SERPINA1: variants seen among roughly 807,000 people sequenced by gnomAD.
SERPINA1 encodes serpin family A member 1, also known as alpha-1-antitrypsin.
Under a neutral mutation model 25.4 loss-of-function variants are expected in SERPINA1, and 21 were observed. The observed-to-expected ratio is 0.83, with a 90% CI of 0.59 to 1.19. SERPINA1 has a LOEUF of 1.19. SERPINA1 is among the 50% of genes most tolerant of loss of function. SERPINA1 has a pLI of 0.00. For missense variants in SERPINA1, 546 were observed against 509.0 expected, an observed-to-expected ratio of 1.07 and a Z score of -0.70; for synonymous variants, 218 against 211.1, an observed-to-expected ratio of 1.03 and a Z score of -0.29.
chr14:94,379,759 G>A, intron 3 of SERPINA1, 148 bp from the exon 4 acceptor site: 2 of 1,087,600 alleles, frequency 1.8e-6, no homozygotes, highest in South Asian at 2.6e-5. Context: ...ACTCGGCTTT[G>A]GTTTGTTCTA....
intron 4 of SERPINA1, among the ~76,000 whole-genome samples, chr14:94,378,906 C>T (rs540110233): frequency 1.6e-4 from 23 of 147,884 alleles, no homozygotes; most frequent in East Asian, 1.4e-3. Flanking sequence ...CGTCACTCCA[C>T]GTCTGCCTCC....
In SERPINA1 at chr14:94,382,822, C is replaced by A. The variant is rs757562207; in HGVS notation, c.416G>T (p.Gly139Val). 1 of 1,614,116 alleles carries A rather than the reference C, an allele frequency of 6.2e-7. No homozygotes were observed. Among genetic ancestry groups the A allele is most frequent in the Non-Finnish European group, 8.5e-7 (1 of 1,180,054 alleles). The stretch of plus-strand genomic sequence containing the variant: ...GCCCTCGCTGAGGAACAGGCCATTG[C>A]CGGTGGTCAGCTGGAGCTGGCTGTC... The part of the protein sequence containing the change: ...QPDSQLQLTT[G>V]NGLFLSEGLK... Residue 139 changes from glycine to valine, a missense_variant, in exon 2 of 5, where the codon GGC (glycine) becomes GTC (valine). Transcript: ENST00000393087.
chr14:94,379,470 G>C lies in SERPINA1; in HGVS notation c.1059C>G (p.Leu353=). Residue 353 remains leucine, a synonymous_variant, in exon 4 of 5, where the codon CTC becomes CTG. Transcript: ENST00000393087. ...SGVTEEAPLK[L]SKAVHKAVLT... is the part of the protein sequence containing the mutation. ...GTCGTCAGGGTGATCTCACCTTGGA[G>C]AGCTTCAGGGGTGCCTCCTCTGTGA... 1 of 1,614,210 alleles carries C rather than the reference G, an allele frequency of 6.2e-7. No homozygotes were observed. Among genetic ancestry groups the C allele is most frequent in the Non-Finnish European group, 8.5e-7 (1 of 1,180,048 alleles).
chr14:94,383,616 T>G, intron 1 of SERPINA1: 1 of 293,312 alleles, frequency 3.4e-6, no homozygotes, highest in Non-Finnish European at 6.5e-6. Context: ...GCACCCAGGC[T>G]CTGGACAGCA....
At chr14:94,379,028 A>G (rs1896631062) in intron 4 of SERPINA1, 1 of 519,666 alleles carries the variant, frequency 1.9e-6, no homozygotes, top group Admixed American at 3.7e-5. Context: ...ATGGAACTGC[A>G]GTTGTTCATT....
At chr14:94,380,738 A>T in intron 3 of SERPINA1, 133 bp downstream of exon 3, 4 of 1,185,090 alleles carry the variant, frequency 3.4e-6, no homozygotes, top group Non-Finnish European at 5.0e-6. Context: ...AGCCAAGTTT[A>T]TACAGAGTAG....
chr14:94,382,941 T>A lies in SERPINA1; in HGVS notation c.297A>T (p.Glu99Asp), dbSNP rs1566757757. ...GGTTGAAATTCAGGCCCTCCAGGAT[T>A]TCATCGTGAGTGTCAGCCTTGGTCC... ...SLGTKADTHDEILEGLNFNLT... is the reference protein window; with the variant it reads ...SLGTKADTHDDILEGLNFNLT... The change falls in exon 2 of 5, where the codon GAA becomes GAT. Residue 99 changes from glutamate to aspartate, a missense_variant. Transcript: ENST00000393087. 6.2e-7 allele frequency: 1 copy of A among 1,610,556 alleles called. No homozygotes were observed. Among genetic ancestry groups the A allele is most frequent in the African/African-American group, 1.3e-5 (1 of 74,888 alleles).
chr14:94,378,444 G>C lies in SERPINA1; in HGVS notation c.*5C>G. 1 of 1,613,632 alleles carries C rather than the reference G, an allele frequency of 6.2e-7. No homozygotes were observed. Among genetic ancestry groups the C allele is most frequent in the Non-Finnish European group, 8.5e-7 (1 of 1,179,560 alleles). On this transcript the variant is annotated 3_prime_UTR_variant, in exon 5 of 5. Transcript: ENST00000393087. ...GGAGGGGAGGGGTTGAGGAGCGAGA[G>C]GCAGTTATTTTTGGGTGGGATTCAC...
intron 1 of SERPINA1, 184 bp from the exon 2 acceptor site, chr14:94,383,425 A>G (rs1897102374): frequency 6.3e-6 from 4 of 634,528 alleles, no homozygotes; most frequent in South Asian, 1.9e-5. Context: ...TGCTTACCAT[A>G]TGCCAAGCAC....
At chr14:94,383,991 T>C (rs1897137124) in intron 1 of SERPINA1, 1 of 152,226 alleles carries the variant, frequency 6.6e-6, no homozygotes, top group Admixed American at 6.5e-5. Flanking sequence ...TGCTCTGTGG[T>C]CCCAGACACA....
At chr14:94,380,511 C>G (rs1472212316) in intron 3 of SERPINA1, 1 of 345,354 alleles carries the variant, frequency 2.9e-6, no homozygotes, top group Non-Finnish European at 5.5e-6. Flanking sequence ...CCACTGCTGC[C>G]TTTGCCAGGA....
chr14:94,384,697 C>G (rs919852926), intron 1 of SERPINA1, among the ~76,000 whole-genome samples: 1 of 152,126 alleles, frequency 6.6e-6, no homozygotes, highest in Non-Finnish European at 1.5e-5. Context: ...TTGTTAACTA[C>G]TAGTCACAAA....
At chr14:94,383,453 T>C in intron 1 of SERPINA1, 2 of 592,858 alleles carry the variant, frequency 3.4e-6, no homozygotes, top group Non-Finnish European at 6.0e-6. Context: ...CGTGCTCACA[T>C]GTGTTAATTC....
At chr14:94,378,765 C>A in intron 4 of SERPINA1, 125 bp from the exon 5 acceptor site, 1 of 1,003,532 alleles carries the variant, frequency 1.0e-6, no homozygotes, top group Non-Finnish European at 1.5e-6. Context: ...CATCCTCTCC[C>A]TCCCTGTCAC....
intron 2 of SERPINA1, among the ~76,000 whole-genome samples, chr14:94,381,440 A>C (rs1421645668): frequency 6.6e-6 from 1 of 152,196 alleles, no homozygotes; most frequent in Non-Finnish European, 1.5e-5. Flanking sequence ...TCATATGTTT[A>C]TTTGAGGGTG....
Position 94,383,550 on chromosome 14 carries a change from C to T in SERPINA1, c.-4-309G>A, listed in dbSNP as rs79864730. The T allele has an allele frequency of 1.5e-3, 677 of 457,494 alleles. 5 individuals are homozygous for T. Among genetic ancestry groups the T allele is most frequent in the African/African-American group, 0.012 (605 of 51,698 alleles). 28.3% of individuals were successfully genotyped at this position (457,494 alleles called of 1,614,324 possible). A position where few individuals can be genotyped will look rare whatever the true frequency, so the allele number is the denominator to read the frequency against. On this transcript the variant is annotated intron_variant, in intron 1 of 4. Coordinates refer to ENST00000393087, the MANE Select transcript of SERPINA1 (RefSeq NM_000295.5). The stretch of plus-strand genomic sequence containing the variant: ...GAAACCAAAGCCAGAGAGATTAGGT[C>T]AGCTATTCAATGTCACTGAGGAAGT...
chr14:94,382,314 A>G (rs1246739848), intron 2 of SERPINA1, among the ~76,000 whole-genome samples: 2 of 152,206 alleles, frequency 1.3e-5, no homozygotes, highest in Non-Finnish European at 2.9e-5. Context: ...AGTTCTAAGC[A>G]TTATATATTC....
rs1419284564 is a variant in SERPINA1, at chr14:94,377,133, G to A, written c.*1316C>T. On this transcript the variant is annotated 3_prime_UTR_variant, in exon 5 of 5. Transcript: ENST00000393087. The stretch of plus-strand genomic sequence containing the variant: ...TTTGAACTATCGAAATCACTATTTG[G>A]TATGACTCAACCTCATCCTTTAAGT... 1 of 152,208 alleles carries A rather than the reference G, an allele frequency of 6.6e-6. No individual in the cohort carries two copies. Among genetic ancestry groups the A allele is most frequent in the African/African-American group, 2.4e-5 (1 of 41,456 alleles). 9.4% of individuals were successfully genotyped at this position (152,208 alleles called of 1,614,324 possible). A position where few individuals can be genotyped will look rare whatever the true frequency, so the allele number is the denominator to read the frequency against.
Position 94,378,080 on chromosome 14 carries a change from T to TC in SERPINA1, c.*368_*369insG. On this transcript the variant is annotated 3_prime_UTR_variant, in exon 5 of 5. Transcript: ENST00000393087. ...GGACATGAAGATGCTTGGTGGAGCCTGGGGTCATGGCTGGTATCTGGTTCC... is the reference window on the plus strand; with the variant it reads ...GGACATGAAGATGCTTGGTGGAGCCTCGGGGTCATGGCTGGTATCTGGTTCC... 1 of 269,454 alleles carries TC rather than the reference T, an allele frequency of 3.7e-6. No homozygotes were observed. Among genetic ancestry groups the TC allele is most frequent in the South Asian group, 5.4e-5 (1 of 18,490 alleles). 16.7% of individuals were successfully genotyped at this position (269,454 alleles called of 1,614,324 possible).
Sources: allele counts gnomAD v4.1 joint callset (sites outside exome capture counted in the v4.1 genomes callset), GRCh38; gene constraint gnomAD v4.1.1; transcripts MANE v1.5; gene names NCBI Gene and HGNC (gene_info 2026-07-23, HGNC 2026-07-21).